CDK19: variants seen among roughly 807,000 people sequenced by gnomAD.
CDK19 encodes cyclin dependent kinase 19.
A neutral mutation model predicts 68.3 loss-of-function variants in CDK19; 20 were observed. The observed-to-expected ratio is 0.29, with a 90% CI of 0.21 to 0.43. The LOEUF (loss-of-function observed/expected upper bound fraction) is 0.43. CDK19 is among the 20% of genes least tolerant of loss of function. CDK19 has a pLI of 1.00. For missense variants in CDK19, 339 were observed against 623.5 expected, an observed-to-expected ratio of 0.54 and a Z score of 4.86; for synonymous variants, 221 against 222.8, an observed-to-expected ratio of 0.99 and a Z score of 0.07.
chr6:110,626,019 G>A (rs1779068622), intron 8 of CDK19, among the ~76,000 whole-genome samples: 1 of 152,118 alleles, frequency 6.6e-6, no homozygotes. Flanking sequence ...TCATCAGTTT[G>A]TTTTACTCAT....
At chr6:110,725,271 A>G (rs139255894) in intron 2 of CDK19, among the ~76,000 whole-genome samples, 86 of 152,282 alleles carry the variant, frequency 5.6e-4, no homozygotes, top group Non-Finnish European at 7.8e-4. Context: ...AAAAAATCCC[A>G]AAAGACTGAG....
At chr6:110,798,177 C>A (rs1247875877) in intron 1 of CDK19, among the ~76,000 whole-genome samples, 1 of 151,896 alleles carries the variant, frequency 6.6e-6, no homozygotes, top group Non-Finnish European at 1.5e-5. Flanking sequence ...CCCAGGATGC[C>A]ACCCAGTGTA....
intron 1 of CDK19, among the ~76,000 whole-genome samples, chr6:110,756,898 G>A (rs1778875407): frequency 6.6e-6 from 1 of 152,160 alleles, no homozygotes; most frequent in Non-Finnish European, 1.5e-5. Flanking sequence ...AGAGGCAGTA[G>A]AATATGAATG....
intron 4 of CDK19, chr6:110,645,706 G>C (rs1780514742): frequency 2.5e-6 from 1 of 407,698 alleles, no homozygotes; most frequent in Middle Eastern, 4.6e-4. Flanking sequence ...AACTCTTGAC[G>C]ACGGCTGGAG....
chr6:110,677,057 T>C lies in CDK19; in HGVS notation c.205-6516A>G, dbSNP rs562366673. On this transcript the variant is annotated intron_variant, in intron 2 of 12. Coordinates refer to ENST00000368911, the MANE Select transcript of CDK19 (RefSeq NM_015076.5). ...CTATGGGTTTCTATAAGTCACTAAA[T>C]ATCAACATGAAGGCCGACTGAGGCA... Among the ~76,000 whole-genome samples, 4 of 152,324 alleles carry C rather than the reference T, an allele frequency of 2.6e-5. No individual in the cohort carries two copies. In the South Asian group the frequency reaches 8.3e-4, roughly 32 times the overall value.
At chr6:110,657,680 C>G (rs979916317) in intron 4 of CDK19, among the ~76,000 whole-genome samples, 5 of 152,230 alleles carry the variant, frequency 3.3e-5, no homozygotes, top group African/African-American at 1.2e-4. Context: ...ATTAGACCCT[C>G]TTAGTGACCT....
At position 110,614,531 on chromosome 6, in the gene CDK19, C is replaced by A. The variant is rs776013864; in HGVS notation, c.*4G>T. The A allele has an allele frequency of 5.0e-6, 8 of 1,613,176 alleles. No individual in the cohort carries two copies. Among genetic ancestry groups the A allele is most frequent in the Non-Finnish European group, 6.8e-6 (8 of 1,179,366 alleles). ...CTGGGCTGGCCTGGCCCAACGGGAGCTGGTCAGTACCGGTGGGCCTGGTGA... is the reference window on the plus strand; with the variant it reads ...CTGGGCTGGCCTGGCCCAACGGGAGATGGTCAGTACCGGTGGGCCTGGTGA... On this transcript the variant is annotated 3_prime_UTR_variant, in exon 13 of 13. Coordinates refer to ENST00000368911, the MANE Select transcript of CDK19 (RefSeq NM_015076.5).
rs1778181333 is a variant in CDK19 at position 110,614,454 on chromosome 6, A to AT, written c.*80dup. 37 of 1,426,384 alleles carry AT rather than the reference A, an allele frequency of 2.6e-5. No homozygotes were observed. The South Asian group carries it at 3.7e-4, about 14-fold the overall frequency. 88.4% of individuals were successfully genotyped at this position (1,426,384 alleles called of 1,614,324 possible). On this transcript the variant is annotated 3_prime_UTR_variant, in exon 13 of 13. Coordinates refer to ENST00000368911, the MANE Select transcript of CDK19 (RefSeq NM_015076.5). ...AGTTTTAAATGGCATCATAGTTTGCATTTTTTTGGTTCTTTTCAATGCAGA... is the reference window on the plus strand; with the variant it reads ...AGTTTTAAATGGCATCATAGTTTGCATTTTTTTTGGTTCTTTTCAATGCAGA...
At chr6:110,623,041 ATAC>A in intron 9 of CDK19, 129 bp from the exon 10 acceptor site, 1 of 696,404 alleles carries the variant, frequency 1.4e-6, no homozygotes, top group Non-Finnish European at 2.6e-6. Flanking sequence ...CAGATTATGC[ATAC>A]TACATACTTT....
At chr6:110,708,202 CA>C (rs1440387731) in intron 2 of CDK19, among the ~76,000 whole-genome samples, 4 of 152,124 alleles carry the variant, frequency 2.6e-5, no homozygotes, top group African/African-American at 9.7e-5. Context: ...CTGGACAGTA[CA>C]GATACTTTCC....
chr6:110,733,726 A>G (rs1478387852), intron 2 of CDK19, among the ~76,000 whole-genome samples: 1 of 151,990 alleles, frequency 6.6e-6, no homozygotes, highest in Non-Finnish European at 1.5e-5. Flanking sequence ...CAAAAAACAT[A>G]GCAGAGATTA....
chr6:110,790,124 T>C (rs1255154067), intron 1 of CDK19, among the ~76,000 whole-genome samples: 2 of 152,258 alleles, frequency 1.3e-5, no homozygotes, highest in Admixed American at 6.5e-5. Flanking sequence ...ATTTCTGGAC[T>C]TCTTCTGAGG....
At chr6:110,641,606 A>G (rs550604860) in intron 4 of CDK19, among the ~76,000 whole-genome samples, 35 of 147,228 alleles carry the variant, frequency 2.4e-4, no homozygotes, top group Admixed American at 1.3e-3. Context: ...AAAAAAAAAA[A>G]AAAAGAAAAA....
intron 1 of CDK19, among the ~76,000 whole-genome samples, chr6:110,791,952 C>G (rs1266954239): frequency 6.6e-6 from 1 of 151,120 alleles, no homozygotes; most frequent in Non-Finnish European, 1.5e-5. Flanking sequence ...AGCCACCCAG[C>G]ATGTTTTCTA....
In CDK19 at chr6:110,633,743, T is replaced by C. The variant is rs190425150; in HGVS notation, c.515-1582A>G. 3.8e-4 allele frequency among the ~76,000 whole-genome samples: 58 copies of C among 152,336 alleles called. 1 individual carries two copies. Among genetic ancestry groups the C allele is most frequent in the African/African-American group, 1.3e-3 (55 of 41,578 alleles). On this transcript the variant is annotated intron_variant, in intron 5 of 12. Transcript: ENST00000368911. ...ACAAATGGCTTTCATATACATCATA[T>C]TTCACCTCATTGAATCCTCATAAGA...
intron 2 of CDK19, among the ~76,000 whole-genome samples, chr6:110,682,565 C>A (rs1466150852): frequency 1.3e-5 from 2 of 152,142 alleles, no homozygotes; most frequent in African/African-American, 4.8e-5. Flanking sequence ...TACAGACTAA[C>A]ACAGCTCTGG....
chr6:110,676,296 G>A (rs1020915419), intron 2 of CDK19, among the ~76,000 whole-genome samples: 1 of 151,788 alleles, frequency 6.6e-6, no homozygotes, highest in Non-Finnish European at 1.5e-5. Flanking sequence ...TCTTATGGAT[G>A]GGCAAAGAAA....
Position 110,627,003 on chromosome 6 carries a change from T to C in CDK19, c.789A>G (p.Ala263=), listed in dbSNP as rs1336333347. The change falls in exon 7 of 13, where the codon GCA becomes GCG. Residue 263 remains alanine, a splice_region_variant and synonymous_variant. Coordinates refer to ENST00000368911, the MANE Select transcript of CDK19 (RefSeq NM_015076.5). ...DRIFSVMGFP[A]DKDWEDIRKM... is the part of the protein sequence containing the mutation. ...ACTTTAAAAAGGAAAATAAATTACCTGCAGGAAACCCCATGACACTAAATA... is the reference window on the plus strand; with the variant it reads ...ACTTTAAAAAGGAAAATAAATTACCCGCAGGAAACCCCATGACACTAAATA... The C allele has an allele frequency of 6.3e-7, 1 of 1,599,146 alleles. No homozygotes were observed. The highest frequency in any genetic ancestry group is 1.1e-5 in the South Asian group (1 of 87,056).
chr6:110,734,299 C>T (rs1184448338), intron 2 of CDK19, among the ~76,000 whole-genome samples: 2 of 152,138 alleles, frequency 1.3e-5, no homozygotes, highest in African/African-American at 4.8e-5. Context: ...CGTGAGCTAC[C>T]ACACCCAGCC....
Sources: gnomAD v4.1 joint callset for allele counts (sites outside exome capture counted in the v4.1 genomes callset) on GRCh38, gnomAD v4.1.1 for gene constraint, MANE v1.5 for transcripts, NCBI Gene and HGNC (gene_info 2026-07-23, HGNC 2026-07-21) for gene names.